The following PPP2R2B variants were observed in gnomAD, a reference collection of about 807,000 sequenced individuals.
The protein encoded by PPP2R2B is serine/threonine-protein phosphatase 2A 55 kDa regulatory subunit B beta isoform.
PPP2R2B carries 5 observed loss-of-function variants against 46.0 expected under a neutral mutation model. The ratio of observed to expected loss-of-function variants is 0.11; its 90% CI spans 0.06 to 0.23. PPP2R2B has a LOEUF of 0.23. PPP2R2B is among the 10% of genes least tolerant of loss of function. The pLI, the probability that PPP2R2B is intolerant of heterozygous loss-of-function variation, is 1.00. For missense variants in PPP2R2B, 367 were observed against 575.0 expected (o/e 0.64, Z 3.70); for synonymous variants, 215 against 206.7 (o/e 1.04, Z -0.34).
rs1161895022 is a variant in PPP2R2B, at chr5:147,075,944, AT to A, written c.50+5114del. On this transcript the variant is annotated intron_variant, in intron 2 of 10. Transcript: ENST00000394413. ...ATGTCTATGTGTTATGTTGTTTAAA[AT>A]ATATTTCTAATTATATTATCATAAG... Among the ~76,000 whole-genome samples, 3 of 27,016 alleles carry A rather than the reference AT, an allele frequency of 1.1e-4. No homozygotes were observed. In the Admixed American group the frequency reaches 1.1e-3, roughly 10 times the overall value. The allele number at this position is 27,016 out of a possible 152,430, so 17.7% of individuals were successfully genotyped here.
At chr5:146,981,714 T>C in intron 1 of PPP2R2B, among the ~76,000 whole-genome samples, 1 of 152,208 alleles carries the variant, frequency 6.6e-6, no homozygotes, top group East Asian at 1.9e-4. Context: ...AGGATCCCTA[T>C]GCTGCCCTTT....
intron 2 of PPP2R2B, among the ~76,000 whole-genome samples, chr5:146,768,343 A>T (rs1561891344): frequency 6.6e-6 from 1 of 152,070 alleles, no homozygotes; most frequent in Non-Finnish European, 1.5e-5. Context: ...CAAAGTCCCA[A>T]AGAGCCACCA....
chr5:147,065,943 T>C (rs1415929469), intron 2 of PPP2R2B, among the ~76,000 whole-genome samples: 1 of 152,084 alleles, frequency 6.6e-6, no homozygotes, highest in African/African-American at 2.4e-5. Flanking sequence ...AGATAGGATG[T>C]ATTATTCTCA....
chr5:146,770,896 AC>A (rs1319739862), intron 2 of PPP2R2B, among the ~76,000 whole-genome samples: 2 of 152,312 alleles, frequency 1.3e-5, no homozygotes, highest in Admixed American at 1.3e-4. Flanking sequence ...ACAGAGAACA[AC>A]CTATTTACTT....
In PPP2R2B at chr5:146,878,397, T is replaced by TACC; in HGVS notation, c.-125+193_-125+194insGGT. On this transcript the variant is annotated intron_variant, in intron 1 of 9. Coordinates refer to ENST00000394411, the MANE Select transcript of PPP2R2B (RefSeq NM_181675.4). The surrounding 1 kb of genome is among the most constrained non-coding windows in gnomAD (Gnocchi z 4.5). ...ATACGCCGTGCCCCGAGGGGTCTGG[T>TACC]CCCGCCCGCCCGCCCCGGAGGCGCT... 1.5e-6 allele frequency: 2 copies of TACC among 1,370,736 alleles called. No individual in the cohort carries two copies. The highest frequency in any genetic ancestry group is 1.9e-6 in the Non-Finnish European group (2 of 1,047,968). 84.9% of individuals were successfully genotyped at this position (1,370,736 alleles called of 1,614,324 possible). A position where few individuals can be genotyped will look rare whatever the true frequency, so the allele number is the denominator to read the frequency against.
At chr5:147,012,025 TG>T (rs1754760524) in intron 1 of PPP2R2B, among the ~76,000 whole-genome samples, 1 of 149,894 alleles carries the variant, frequency 6.7e-6, no homozygotes, top group Non-Finnish European at 1.5e-5. Context: ...TCAAGGATAG[TG>T]GTCTAAAATT....
chr5:146,626,095 T>C (rs1774040414), intron 7 of PPP2R2B, among the ~76,000 whole-genome samples: 1 of 152,220 alleles, frequency 6.6e-6, no homozygotes, highest in Non-Finnish European at 1.5e-5. Flanking sequence ...ACTTCTGACC[T>C]GCAGAACTGC....
At chr5:147,011,980 C>T (rs1413126344) in intron 1 of PPP2R2B, among the ~76,000 whole-genome samples, 2 of 144,134 alleles carry the variant, frequency 1.4e-5, no homozygotes, top group African/African-American at 2.5e-5. Flanking sequence ...TTCGGTTTGC[C>T]AGTATTTTAT....
At position 146,582,455 on chromosome 5, in the gene PPP2R2B, C is replaced by T. The variant is rs745732926; in HGVS notation, c.*7492G>A. ...TGCATCAGGCAGGGACACATATGCTCTATTAACTAACACTGCAATCTAAGC... is the reference window on the plus strand; with the variant it reads ...TGCATCAGGCAGGGACACATATGCTTTATTAACTAACACTGCAATCTAAGC... On this transcript the variant is annotated 3_prime_UTR_variant, in exon 10 of 10. Transcript: ENST00000394411. 6.6e-6 allele frequency: 1 copy of T among 152,224 alleles called. No homozygotes were observed. Among genetic ancestry groups the T allele is most frequent in the Non-Finnish European group, 1.5e-5 (1 of 68,048 alleles). The allele number at this position is 152,224 out of a possible 1,614,324, so 9.4% of individuals were successfully genotyped here.
chr5:146,896,004 C>T (rs1368559670), intron 1 of PPP2R2B, among the ~76,000 whole-genome samples: 2 of 151,794 alleles, frequency 1.3e-5, no homozygotes, highest in Admixed American at 6.6e-5. Context: ...GACAATTCAT[C>T]GGGCTAAATA....
chr5:146,674,741 T>C (rs1054100809), intron 5 of PPP2R2B, among the ~76,000 whole-genome samples: 1 of 152,156 alleles, frequency 6.6e-6, no homozygotes, highest in Non-Finnish European at 1.5e-5. Flanking sequence ...CCAAACTCCC[T>C]CTCAAAAGTT....
intron 2 of PPP2R2B, among the ~76,000 whole-genome samples, chr5:146,811,877 A>G (rs1429849641): frequency 6.6e-6 from 1 of 151,630 alleles, no homozygotes; most frequent in African/African-American, 2.4e-5. Context: ...AGAATCAACT[A>G]TGTATTATCT....
At chr5:147,077,367 C>T (rs1333769689) in intron 2 of PPP2R2B, among the ~76,000 whole-genome samples, 1 of 151,370 alleles carries the variant, frequency 6.6e-6, no homozygotes, top group Non-Finnish European at 1.5e-5. Flanking sequence ...CGATTATCCC[C>T]ATTCCACACC....
intron 5 of PPP2R2B, among the ~76,000 whole-genome samples, chr5:146,670,640 C>A (rs1197608859): frequency 6.6e-6 from 1 of 152,076 alleles, no homozygotes; most frequent in Non-Finnish European, 1.5e-5. Flanking sequence ...GGACTACATG[C>A]ATGTGCCACC....
At chr5:147,061,369 T>C (rs1451037073) in intron 2 of PPP2R2B, among the ~76,000 whole-genome samples, 2 of 152,130 alleles carry the variant, frequency 1.3e-5, no homozygotes, top group Non-Finnish European at 2.9e-5. Context: ...GAAAGACAAA[T>C]TAATGGCCAA....
At chr5:146,732,368 G>T (rs1032159809) in intron 2 of PPP2R2B, among the ~76,000 whole-genome samples, 1 of 152,168 alleles carries the variant, frequency 6.6e-6, no homozygotes, top group Non-Finnish European at 1.5e-5. Flanking sequence ...CAGGCTTCCA[G>T]CTACCAATAC....
chr5:146,912,013 A>G (rs55925964), intron 1 of PPP2R2B, among the ~76,000 whole-genome samples: 3,901 of 152,038 alleles, frequency 0.026, 149 homozygotes, highest in African/African-American at 0.071. Context: ...TGAGGCGGGC[A>G]GATTGCCTGA....
intron 2 of PPP2R2B, among the ~76,000 whole-genome samples, chr5:146,862,673 A>G (rs1041673553): frequency 6.6e-6 from 1 of 152,146 alleles, no homozygotes; most frequent in Non-Finnish European, 1.5e-5. Flanking sequence ...GACTTAAAAG[A>G]TGAGAGGACA....
intron 5 of PPP2R2B, among the ~76,000 whole-genome samples, chr5:146,663,677 A>T (rs918006016): frequency 1.3e-5 from 2 of 152,186 alleles, no homozygotes; most frequent in African/African-American, 4.8e-5. Flanking sequence ...GAAGTAAAAA[A>T]TACTTTTTGC....
Sources: allele counts gnomAD v4.1 joint callset (sites outside exome capture counted in the v4.1 genomes callset), GRCh38; gene constraint gnomAD v4.1.1; non-coding constraint Gnocchi (gnomAD v3.1); transcripts MANE v1.5; gene names NCBI Gene and HGNC (gene_info 2026-07-23, HGNC 2026-07-21).